Variants in BLK observed in about 807,000 individuals in gnomAD.
BLK encodes tyrosine-protein kinase Blk.
A neutral mutation model predicts 61.8 loss-of-function variants in BLK; 64 were observed. The observed-to-expected ratio is 1.03, with a 90% CI of 0.85 to 1.27. The LOEUF is 1.27. Among genes scored for constraint, BLK ranks in the 50% most tolerant of loss-of-function variants. The pLI is 0.00. For synonymous variants in BLK, 351 were observed against 272.0 expected (o/e 1.29, Z -2.86); for missense variants, 853 against 660.5 (o/e 1.29, Z -3.19).
intron 1 of BLK, among the ~76,000 whole-genome samples, chr8:11,515,989 A>T (rs955462390): frequency 6.6e-6 from 1 of 152,216 alleles, no homozygotes; most frequent in African/African-American, 2.4e-5. Flanking sequence ...CGTGCCTGGG[A>T]TGTCAGGCAC....
Position 11,524,368 on chromosome 8 carries a change from G to A in BLK, c.-1-18856G>A, listed in dbSNP as rs138885449. On this transcript the variant is annotated intron_variant, in intron 1 of 12. Coordinates refer to ENST00000259089, the MANE Select transcript of BLK (RefSeq NM_001715.3). ...TTGTAACTGATTTTTTTTCCTTTGC[G>A]TAGATGAGAATTTTCTAATTTTCTA... Among the ~76,000 whole-genome samples the A allele has an allele frequency of 8.0e-4, 122 of 152,088 alleles. 1 individual carries two copies. The highest frequency in any genetic ancestry group is 5.8e-3 in the South Asian group (28 of 4,814).
intron 1 of BLK, among the ~76,000 whole-genome samples, chr8:11,537,043 C>T (rs577967227): frequency 3.3e-5 from 5 of 152,280 alleles, no homozygotes; most frequent in East Asian, 1.9e-4. Flanking sequence ...AGAAGAACCT[C>T]GTTGCTAGGA....
chr8:11,559,837 A>C (rs17153470), intron 10 of BLK: 16,866 of 456,016 alleles, frequency 0.037, 1,310 homozygotes, highest in African/African-American at 0.22. Context: ...ATTTCTATGA[A>C]GGTTTCCCTG....
chr8:11,524,614 A>G (rs886573856), intron 1 of BLK, among the ~76,000 whole-genome samples: 1 of 152,218 alleles, frequency 6.6e-6, no homozygotes, highest in Admixed American at 6.5e-5. Flanking sequence ...TGGGAATCCC[A>G]CTTGTGGGAT....
At chr8:11,524,740 G>T (rs1458891063) in intron 1 of BLK, among the ~76,000 whole-genome samples, 1 of 152,132 alleles carries the variant, frequency 6.6e-6, no homozygotes, top group African/African-American at 2.4e-5. Context: ...GGGGTGTGCG[G>T]CAGAAGAAGT....
chr8:11,505,038 C>G (rs1275836512), intron 1 of BLK, among the ~76,000 whole-genome samples: 1 of 151,854 alleles, frequency 6.6e-6, no homozygotes, highest in African/African-American at 2.4e-5. Context: ...ACACAGACAC[C>G]CACACATATA....
intron 1 of BLK, among the ~76,000 whole-genome samples, chr8:11,499,603 C>A (rs567766560): frequency 6.6e-6 from 1 of 152,144 alleles, no homozygotes; most frequent in African/African-American, 2.4e-5. Flanking sequence ...GCTGAGATGA[C>A]GTTAAGCTGT....
At chr8:11,506,029 T>G (rs1056781497) in intron 1 of BLK, among the ~76,000 whole-genome samples, 3 of 152,198 alleles carry the variant, frequency 2.0e-5, no homozygotes, top group African/African-American at 7.2e-5. Context: ...CTTCCCACAG[T>G]GGGCCCAACA....
chr8:11,535,217 G>GAAAGAA lies in BLK; in HGVS notation c.-1-8006_-1-8005insAAGAAA, dbSNP rs879785014. ...AAAGAAGGAAAGAAAGAAAGAAAGA[G>GAAAGAA]AGAGAAAGAAAGAAAAAGAAAAGAA... On this transcript the variant is annotated intron_variant, in intron 1 of 12. Coordinates refer to ENST00000259089, the MANE Select transcript of BLK (RefSeq NM_001715.3). 4.3e-4 allele frequency among the ~76,000 whole-genome samples: 42 copies of GAAAGAA among 98,652 alleles called. 1 individual carries two copies. In the South Asian group the frequency reaches 4.7e-3, roughly 11 times the overall value. The allele number at this position is 98,652 out of a possible 152,430, so 64.7% of individuals were successfully genotyped here. A position where few individuals can be genotyped will look rare whatever the true frequency, so the allele number is the denominator to read the frequency against.
At chr8:11,535,119 A>G (rs1800058369) in intron 1 of BLK, among the ~76,000 whole-genome samples, 1 of 151,970 alleles carries the variant, frequency 6.6e-6, no homozygotes, top group Admixed American at 6.6e-5. Flanking sequence ...TCAAGGCTGC[A>G]GTGAGCCATG....
chr8:11,556,597 G>C (rs1012593061), intron 8 of BLK, 61 bp from the exon 9 acceptor site: 1 of 1,609,762 alleles, frequency 6.2e-7, no homozygotes, highest in African/African-American at 1.3e-5. Flanking sequence ...TTTTGGTTAA[G>C]GGATCACCTC....
At chr8:11,508,185 C>T (rs1318406940) in intron 1 of BLK, among the ~76,000 whole-genome samples, 1 of 152,226 alleles carries the variant, frequency 6.6e-6, no homozygotes, top group African/African-American at 2.4e-5. Flanking sequence ...CATCTGTCTT[C>T]ATTAACCACC....
rs992405210 is a variant in BLK, at chr8:11,547,837, G to A, written c.176-195G>A. Among the ~76,000 whole-genome samples, 3 of 152,080 alleles carry A rather than the reference G, an allele frequency of 2.0e-5. No homozygotes were observed. The South Asian group carries it at 6.2e-4, about 32-fold the overall frequency. On this transcript the variant is annotated intron_variant, in intron 3 of 12. Coordinates refer to ENST00000259089, the MANE Select transcript of BLK (RefSeq NM_001715.3). ...GCTTCTTAGTGGGTCCACAACGGAG[G>A]ACAGGATGGGCTCTGGGGGGCAGCC...
intron 1 of BLK, among the ~76,000 whole-genome samples, chr8:11,523,345 G>A (rs114599763): frequency 0.013 from 2,030 of 152,264 alleles, 43 homozygotes; most frequent in African/African-American, 0.047. Context: ...CTTGAAGTCA[G>A]GTGTTTGAGT....
chr8:11,500,393 A>T (rs1025904158), intron 1 of BLK, among the ~76,000 whole-genome samples: 1 of 150,436 alleles, frequency 6.6e-6, no homozygotes, highest in African/African-American at 2.5e-5. Context: ...ACAGGGTTTC[A>T]TCATGTTGGC....
chr8:11,499,441 G>T (rs1425789549), intron 1 of BLK, among the ~76,000 whole-genome samples: 1 of 152,234 alleles, frequency 6.6e-6, no homozygotes, highest in Non-Finnish European at 1.5e-5. Flanking sequence ...TCCAAGAGCT[G>T]TGTGTTTGGA....
At chr8:11,554,347 C>T (rs1219873057) in intron 6 of BLK, 5 of 305,512 alleles carry the variant, frequency 1.6e-5, no homozygotes, top group South Asian at 3.2e-5. Context: ...TAAGAGATAC[C>T]CTCTTTAGCC....
rs1180015511 is a variant in BLK, at chr8:11,550,219, C to G, written c.429C>G (p.Asn143Lys). 3 of 1,614,070 alleles carry G rather than the reference C, an allele frequency of 1.9e-6. No homozygotes were observed. The highest frequency in any genetic ancestry group is 2.5e-6 in the Non-Finnish European group (3 of 1,179,994). Residue 143 changes from asparagine (N) to lysine (K), a missense_variant, in exon 6 of 13, where the codon AAC becomes AAG. Transcript: ENST00000259089. ...AGAGGCAGCTTCTTGCTCCAATCAA[C>G]AAGGCCGGCTCCTTTCTTATCAGAG... ...EAERQLLAPI[N>K]KAGSFLIRES...
At chr8:11,496,926 C>T (rs1308991755) in intron 1 of BLK, among the ~76,000 whole-genome samples, 2 of 152,140 alleles carry the variant, frequency 1.3e-5, no homozygotes, top group Admixed American at 6.5e-5. Context: ...ACCTTGTGAG[C>T]CCACCTGCAG....
Sources: allele counts gnomAD v4.1 joint callset (sites outside exome capture counted in the v4.1 genomes callset), GRCh38; gene constraint gnomAD v4.1.1; transcripts MANE v1.5; gene names NCBI Gene and HGNC (gene_info 2026-07-23, HGNC 2026-07-21).